FREM3: variants seen among roughly 807,000 people sequenced by gnomAD.
FREM3 encodes the protein FRAS1-related extracellular matrix protein 3.
A neutral mutation model predicts 129.1 loss-of-function variants in FREM3; 105 were observed. The observed-to-expected ratio is 0.81, with a 90% CI of 0.69 to 0.96. The LOEUF is 0.96. Among genes scored for constraint, FREM3 ranks in the 40% least tolerant of loss-of-function variants. FREM3 has a pLI of 0.00. For synonymous variants in FREM3, 1,014 were observed against 1,044.9 expected, an observed-to-expected ratio of 0.97 and a Z score of 0.57; for missense variants, 2,593 against 2,666.3, an observed-to-expected ratio of 0.97 and a Z score of 0.61.
At chr4:143,676,582 G>A (rs1484933201) in intron 2 of FREM3, among the ~76,000 whole-genome samples, 1 of 152,146 alleles carries the variant, frequency 6.6e-6, no homozygotes, top group South Asian at 2.1e-4. Context: ...TATTCAATTA[G>A]GAAGAGAGGA....
At chr4:143,666,745 T>C (rs1739869977) in intron 2 of FREM3, among the ~76,000 whole-genome samples, 1 of 152,102 alleles carries the variant, frequency 6.6e-6, no homozygotes, top group Non-Finnish European at 1.5e-5. Context: ...TATTACTGTT[T>C]AATAAATAAA....
At chr4:143,654,106 A>C (rs1739556854) in intron 2 of FREM3, among the ~76,000 whole-genome samples, 1 of 152,144 alleles carries the variant, frequency 6.6e-6, no homozygotes. Flanking sequence ...TAATTAAAAA[A>C]ATTTTTTTAT....
chr4:143,619,734 A>G (rs1006919850), intron 5 of FREM3, among the ~76,000 whole-genome samples: 13 of 152,198 alleles, frequency 8.5e-5, no homozygotes, highest in Non-Finnish European at 2.9e-5. Context: ...TAAGTGAAGG[A>G]GGCAACTAGT....
chr4:143,700,240 C>A lies in FREM3; in HGVS notation c.436G>T (p.Asp146Tyr), dbSNP rs972427737. Residue 146 changes from aspartate (D) to tyrosine (Y), a missense_variant, in exon 1 of 8, where the codon GAC (aspartate) becomes TAC (tyrosine). Physicochemically the swap from Asp to Tyr is radical, Grantham distance 160. Around this residue, in one of 2 missense-constraint regions of FREM3, gnomAD observed 2,276 missense variants for 2,267.2 expected, o/e 1.00. Transcript: ENST00000329798. Reference sequence around the variant, plus strand: ...AGCACCAGAGTGTGAGTCGGGGCGTCGTAGCGCAGCTGCAGCAGCACCCGG... The same window carrying A: ...AGCACCAGAGTGTGAGTCGGGGCGTAGTAGCGCAGCTGCAGCAGCACCCGG... ...RARVLLQLRYDAPTHTLVLPF... is the reference protein window; with the variant it reads ...RARVLLQLRYYAPTHTLVLPF... 1 of 1,536,678 alleles carries A rather than the reference C, an allele frequency of 6.5e-7. No individual in the cohort carries two copies. Among genetic ancestry groups the A allele is most frequent in the African/African-American group, 1.4e-5 (1 of 73,056 alleles).
At chr4:143,596,111 G>A (rs1738478551) in intron 6 of FREM3, among the ~76,000 whole-genome samples, 1 of 152,176 alleles carries the variant, frequency 6.6e-6, no homozygotes, top group Non-Finnish European at 1.5e-5. Flanking sequence ...TGTAAGGTGA[G>A]AACAGAGGAA....
At position 143,699,483 on chromosome 4, in the gene FREM3, C is replaced by T; in HGVS notation, c.1193G>A (p.Gly398Glu). ...AYQPPAENSH[G>E]ERLFQLELEV... The stretch of plus-strand genomic sequence containing the variant: ...CAGCTCCAGCTGAAAGAGGCGCTCC[C>T]CATGGGAGTTCTCTGCAGGGGGCTG... Residue 398 changes from glycine to glutamate, a missense_variant, in exon 1 of 8, where the codon GGG becomes GAG. Around this residue, in one of 2 missense-constraint regions of FREM3, gnomAD observed 2,276 missense variants for 2,267.2 expected, o/e 1.00. Transcript: ENST00000329798. The surrounding 1 kb of genome is among the most constrained non-coding windows in gnomAD (Gnocchi z 4.2). 6.5e-7 allele frequency: 1 copy of T among 1,537,306 alleles called. No individual in the cohort carries two copies. The highest frequency in any genetic ancestry group is 8.7e-7 in the Non-Finnish European group (1 of 1,146,928).
At chr4:143,674,539 C>T (rs1740069337) in intron 2 of FREM3, among the ~76,000 whole-genome samples, 1 of 152,112 alleles carries the variant, frequency 6.6e-6, no homozygotes, top group Non-Finnish European at 1.5e-5. Context: ...TCACACATAA[C>T]AATATTAACC....
At chr4:143,602,794 C>A (rs568184299) in intron 6 of FREM3, among the ~76,000 whole-genome samples, 1 of 152,104 alleles carries the variant, frequency 6.6e-6, no homozygotes, top group Non-Finnish European at 1.5e-5. Context: ...AGGAAAATGG[C>A]GTTAGCTGAA....
intron 4 of FREM3, among the ~76,000 whole-genome samples, chr4:143,623,363 TTCA>T (rs1373886438): frequency 6.6e-6 from 1 of 152,152 alleles, no homozygotes; most frequent in Non-Finnish European, 1.5e-5. Context: ...CAGGGGATTC[TTCA>T]TCAAGTCTTG....
intron 7 of FREM3, among the ~76,000 whole-genome samples, chr4:143,582,364 C>A (rs1406761073): frequency 6.6e-6 from 1 of 152,048 alleles, no homozygotes; most frequent in Non-Finnish European, 1.5e-5. Flanking sequence ...GTTACACTTA[C>A]ACGCCATCTA....
At position 143,630,396 on chromosome 4, in the gene FREM3, A is replaced by C. The variant is rs550264081; in HGVS notation, c.5276-2636T>G. On this transcript the variant is annotated intron_variant, in intron 2 of 7. Coordinates refer to ENST00000329798, the MANE Select transcript of FREM3 (RefSeq NM_001168235.2). ...AGGAACAGCCTGTGTTAGAACTTTGAACTCCTCTTTTATTTTAACATTTTT... is the reference window on the plus strand; with the variant it reads ...AGGAACAGCCTGTGTTAGAACTTTGCACTCCTCTTTTATTTTAACATTTTT... Among the ~76,000 whole-genome samples the C allele has an allele frequency of 4.6e-5, 7 of 152,268 alleles. No individual in the cohort carries two copies. The South Asian group carries it at 1.5e-3, about 32-fold the overall frequency.
Position 143,697,808 on chromosome 4 carries a change from A to G in FREM3, c.2868T>C (p.Ser956=), listed in dbSNP as rs1056586008. The G allele has an allele frequency of 1.3e-6, 2 of 1,537,686 alleles. No homozygotes were observed. Among genetic ancestry groups the G allele is most frequent in the Admixed American group, 3.9e-5 (2 of 51,002 alleles). The change falls in exon 1 of 8, where the codon TCT becomes TCC. Residue 956 remains serine, a synonymous_variant. Coordinates refer to ENST00000329798, the MANE Select transcript of FREM3 (RefSeq NM_001168235.2). ...TGGCTTTATTCTCTAGTACGTCTAT[A>G]GAAACATCCAATAATGAACTACTTC... ...SLRSSSLLDV[S]IDVLENKATE... is the part of the protein sequence containing the mutation.
intron 1 of FREM3, among the ~76,000 whole-genome samples, chr4:143,693,455 C>G (rs1300268020): frequency 6.6e-6 from 1 of 152,084 alleles, no homozygotes; most frequent in Non-Finnish European, 1.5e-5. Context: ...ATAACAGATG[C>G]TGGGTGAGAT....
intron 7 of FREM3, among the ~76,000 whole-genome samples, chr4:143,581,422 G>A (rs926812977): frequency 2.6e-5 from 4 of 151,830 alleles, no homozygotes; most frequent in Admixed American, 2.6e-4. Flanking sequence ...GAGGAGCTCA[G>A]TTTCTGTTTC....
In FREM3 at chr4:143,596,087, GT is replaced by G. The variant is rs561966012; in HGVS notation, c.6029-10095del. On this transcript the variant is annotated intron_variant, in intron 6 of 7. Transcript: ENST00000329798. Reference sequence around the variant, plus strand: ...CGTTTAGGAAGGGATGCAAGAACTTGTTTATTGGTAGTGTGTAAGGTGAGAA... The same window carrying G: ...CGTTTAGGAAGGGATGCAAGAACTTGTTATTGGTAGTGTGTAAGGTGAGAA... 1.5e-3 allele frequency among the ~76,000 whole-genome samples: 228 copies of G among 152,268 alleles called. 2 individuals are homozygous for G. The highest frequency in any genetic ancestry group is 5.1e-3 in the African/African-American group (211 of 41,564).
chr4:143,583,431 CA>C (rs1398633560), intron 7 of FREM3, among the ~76,000 whole-genome samples: 1 of 151,858 alleles, frequency 6.6e-6, no homozygotes, highest in Non-Finnish European at 1.5e-5. Flanking sequence ...CTAGAGAGGC[CA>C]AAATTCAAAT....
chr4:143,647,455 G>A (rs879478518), intron 2 of FREM3, among the ~76,000 whole-genome samples: 1 of 152,164 alleles, frequency 6.6e-6, no homozygotes, highest in Non-Finnish European at 1.5e-5. Flanking sequence ...AGAACTTTGT[G>A]GCAGCCCCTC....
At chr4:143,642,642 G>A (rs983219007) in intron 2 of FREM3, among the ~76,000 whole-genome samples, 5 of 152,060 alleles carry the variant, frequency 3.3e-5, no homozygotes, top group African/African-American at 1.2e-4. Flanking sequence ...AACTCAAAAT[G>A]GATTAAAGAA....
intron 2 of FREM3, among the ~76,000 whole-genome samples, chr4:143,666,733 A>G (rs960900769): frequency 6.6e-6 from 1 of 152,110 alleles, no homozygotes; most frequent in Non-Finnish European, 1.5e-5. Flanking sequence ...AGAAAGGGGG[A>G]GTATTACTGT....
Sources: gnomAD v4.1 joint callset for allele counts (sites outside exome capture counted in the v4.1 genomes callset) on GRCh38, gnomAD v4.1.1 for gene constraint, gnomAD v4.1.1 regional missense constraint, Gnocchi (gnomAD v3.1) non-coding constraint, MANE v1.5 for transcripts, NCBI Gene and HGNC (gene_info 2026-07-23, HGNC 2026-07-21) for gene names.